The following ATL1 variants were observed in gnomAD, a reference collection of about 807,000 sequenced individuals.
ATL1 encodes the protein atlastin GTPase 1, also known as atlastin-1.
In ATL1, 31 loss-of-function variants were observed where a neutral mutation model predicts 75.5. The observed-to-expected ratio is 0.41, with a 90% CI of 0.31 to 0.55. ATL1 has a LOEUF of 0.55. Ranked by LOEUF, ATL1 falls within the 20% of genes least tolerant of loss-of-function variation. ATL1 has a pLI of 0.27. For synonymous variants in ATL1, 226 were observed against 233.3 expected (o/e 0.97, Z 0.28); for missense variants, 405 against 662.6 (o/e 0.61, Z 4.27).
chr14:50,588,790 T>C (rs772604749), intron 2 of ATL1, among the ~76,000 whole-genome samples: 4 of 152,204 alleles, frequency 2.6e-5, no homozygotes, highest in Non-Finnish European at 5.9e-5. Flanking sequence ...TTTTCAGGCT[T>C]AGGATTTTTA....
At chr14:50,564,240 A>C (rs1165030387) in intron 1 of ATL1, among the ~76,000 whole-genome samples, 1 of 152,226 alleles carries the variant, frequency 6.6e-6, no homozygotes, top group Non-Finnish European at 1.5e-5. Context: ...ACAGAAATGC[A>C]TACTTTGTTT....
chr14:50,611,341 G>A (rs1022758034), intron 6 of ATL1, among the ~76,000 whole-genome samples: 1 of 146,208 alleles, frequency 6.8e-6, no homozygotes, highest in Admixed American at 6.7e-5. Flanking sequence ...AGTTCAGGAT[G>A]ATATGGGAAC....
intron 8 of ATL1, among the ~76,000 whole-genome samples, chr14:50,615,290 G>C (rs192007780): frequency 6.6e-6 from 1 of 152,188 alleles, no homozygotes; most frequent in Non-Finnish European, 1.5e-5. Context: ...TCAGACATTT[G>C]TTTAATTTAC....
intron 1 of ATL1, among the ~76,000 whole-genome samples, chr14:50,574,182 C>G (rs772516979): frequency 3.9e-5 from 6 of 152,192 alleles, no homozygotes; most frequent in Non-Finnish European, 7.3e-5. Context: ...GCCTGATTAT[C>G]TGGTGGAAGT....
At chr14:50,584,731 A>AT (rs1320327269) in intron 1 of ATL1, among the ~76,000 whole-genome samples, 4 of 151,138 alleles carry the variant, frequency 2.6e-5, no homozygotes, top group Non-Finnish European at 4.4e-5. Flanking sequence ...AAATAAATAA[A>AT]AAATAAAATA....
intron 1 of ATL1, 79 bp from the exon 2 acceptor site, chr14:50,587,751 GT>G: frequency 6.3e-7 from 1 of 1,577,892 alleles, no homozygotes; most frequent in Non-Finnish European, 8.7e-7. Context: ...TGTGTCGGAT[GT>G]TTGAGAGTTA....
intron 1 of ATL1, among the ~76,000 whole-genome samples, chr14:50,563,295 GT>G (rs1294017159): frequency 3.9e-5 from 6 of 152,080 alleles, no homozygotes; most frequent in East Asian, 1.9e-4. Flanking sequence ...TAGAATCTGG[GT>G]TTTTTTCCTA....
At chr14:50,578,753 T>C (rs771806030) in intron 1 of ATL1, among the ~76,000 whole-genome samples, 19 of 152,322 alleles carry the variant, frequency 1.2e-4, no homozygotes, top group Non-Finnish European at 2.1e-4. Flanking sequence ...CAGTCCCTCA[T>C]TGATGGACAT....
Position 50,614,354 on chromosome 14 carries a change from T to G in ATL1, c.724-19T>G, listed in dbSNP as rs780733244. 1 of 1,613,736 alleles carries G rather than the reference T, an allele frequency of 6.2e-7. No individual in the cohort carries two copies. The highest frequency in any genetic ancestry group is 1.3e-5 in the African/African-American group (1 of 75,018). On this transcript the variant is annotated intron_variant, in intron 7 of 13. Transcript: ENST00000358385. ...ATTTGTGATGAAAGTAGTTTAAACT[T>G]CAGAATGATTTACTGCAGGTCTCAG...
chr14:50,630,939 G>A lies in ATL1; in HGVS notation c.1566+930G>A, dbSNP rs1247619478. ...ACCAATATACATTCACAGATCTGAA[G>A]ATGGTACCATACAGACGTAATGCCA... On this transcript the variant is annotated intron_variant, in intron 13 of 13. Transcript: ENST00000358385. The A allele has an allele frequency of 6.6e-6, 3 of 455,798 alleles. No homozygotes were observed. The East Asian group carries it at 2.1e-4, about 32-fold the overall frequency. The allele number at this position is 455,798 out of a possible 1,614,324, so 28.2% of individuals were successfully genotyped here.
At chr14:50,594,750 T>G (rs1440143867) in intron 5 of ATL1, among the ~76,000 whole-genome samples, 1 of 151,662 alleles carries the variant, frequency 6.6e-6, no homozygotes, top group Non-Finnish European at 1.5e-5. Flanking sequence ...ATCCCAGCAG[T>G]TTAGGAGGCT....
At chr14:50,615,665 AT>A (rs2039407914) in intron 8 of ATL1, among the ~76,000 whole-genome samples, 1 of 152,226 alleles carries the variant, frequency 6.6e-6, no homozygotes, top group Admixed American at 6.5e-5. Flanking sequence ...TGTCACACTT[AT>A]GAATTCCAAC....
chr14:50,620,481 G>A, intron 8 of ATL1, 118 bp from the exon 9 acceptor site: 2 of 1,074,826 alleles, frequency 1.9e-6, no homozygotes, highest in Non-Finnish European at 1.4e-6. Flanking sequence ...TGATGGGGAA[G>A]TGAGTGATGG....
At chr14:50,578,990 T>G (rs905481674) in intron 1 of ATL1, among the ~76,000 whole-genome samples, 1 of 152,222 alleles carries the variant, frequency 6.6e-6, no homozygotes, top group Non-Finnish European at 1.5e-5. Flanking sequence ...TCTTTGTAAA[T>G]CCAATATGTG....
At chr14:50,562,287 G>T (rs368992655) in intron 1 of ATL1, among the ~76,000 whole-genome samples, 10 of 152,056 alleles carry the variant, frequency 6.6e-5, no homozygotes, top group South Asian at 2.1e-4. Flanking sequence ...CTCGTGATCC[G>T]CCCGCCTCGG....
chr14:50,547,776 G>A (rs565523052), intron 1 of ATL1, among the ~76,000 whole-genome samples: 9 of 152,294 alleles, frequency 5.9e-5, no homozygotes, highest in Admixed American at 3.9e-4. Flanking sequence ...GGAAGTGTCC[G>A]TGCTATGATT....
chr14:50,542,143 G>A (rs1332246478), intron 1 of ATL1, among the ~76,000 whole-genome samples: 6 of 148,394 alleles, frequency 4.0e-5, no homozygotes, highest in Non-Finnish European at 8.9e-5. Flanking sequence ...CCTGACCACA[G>A]GATACTAAGT....
intron 2 of ATL1, among the ~76,000 whole-genome samples, chr14:50,590,652 T>C (rs1406251820): frequency 2.6e-5 from 4 of 152,218 alleles, no homozygotes; most frequent in Non-Finnish European, 4.4e-5. Context: ...ATTTATTGCA[T>C]CATAATGGTT....
chr14:50,538,290 C>A (rs766295480), intron 1 of ATL1, among the ~76,000 whole-genome samples: 3 of 152,186 alleles, frequency 2.0e-5, no homozygotes, highest in Non-Finnish European at 4.4e-5. Context: ...GCTTTCCCTG[C>A]CACATAGAAC....
Sources: gnomAD v4.1 joint callset for allele counts (sites outside exome capture counted in the v4.1 genomes callset) on GRCh38, gnomAD v4.1.1 for gene constraint, MANE v1.5 for transcripts, NCBI Gene and HGNC (gene_info 2026-07-23, HGNC 2026-07-21) for gene names.